Variants in ADAM21 observed in about 807,000 individuals in gnomAD.
The protein encoded by ADAM21 is disintegrin and metalloproteinase domain-containing protein 21.
For synonymous variants in ADAM21, 262 were observed against 306.0 expected (o/e 0.86, Z 1.50); for missense variants, 678 against 874.4 (o/e 0.78, Z 2.83).
chr14:70,453,613 A>C (rs17476399), intron 1 of ADAM21: 50,582 of 152,082 alleles, frequency 0.33, 10,331 homozygotes, highest in Non-Finnish European at 0.43. Flanking sequence ...ATAATATGAC[A>C]CAGGTTGGTG....
chr14:70,453,740 T>C (rs1040120634), intron 1 of ADAM21, among the ~76,000 whole-genome samples: 6 of 152,188 alleles, frequency 3.9e-5, no homozygotes, highest in African/African-American at 9.7e-5. Flanking sequence ...AAGAGAGATA[T>C]AGAGAGCAAA....
intron 1 of ADAM21, among the ~76,000 whole-genome samples, chr14:70,454,068 A>G (rs1374513076): frequency 6.6e-6 from 1 of 152,232 alleles, no homozygotes; most frequent in Admixed American, 6.5e-5. Context: ...TTGAGAGACA[A>G]TGAGAATGGA....
chr14:70,454,942 G>T (rs1310153067), intron 1 of ADAM21, among the ~76,000 whole-genome samples: 1 of 152,170 alleles, frequency 6.6e-6, no homozygotes, highest in African/African-American at 2.4e-5. Context: ...CATGTTGTGG[G>T]CTGTGGAGAA....
chr14:70,459,485 C>G lies in ADAM21; in HGVS notation c.1986C>G (p.Cys662Trp). ...HCGYGWSPPY[C>W]QHRGYGGSID... ...GCTATGGGTGGTCCCCACCCTACTGCCAGCACAGAGGCTATGGGGGCAGTA... is the reference window on the plus strand; with the variant it reads ...GCTATGGGTGGTCCCCACCCTACTGGCAGCACAGAGGCTATGGGGGCAGTA... The change falls in exon 2 of 2, where the codon TGC (cysteine) becomes TGG (tryptophan). Residue 662 changes from cysteine to tryptophan, a missense_variant. By Grantham distance (215) the Cys-to-Trp change is radical. Coordinates refer to ENST00000603540, the MANE Select transcript of ADAM21 (RefSeq NM_003813.4). 1 of 1,614,200 alleles carries G rather than the reference C, an allele frequency of 6.2e-7. No individual in the cohort carries two copies. The highest frequency in any genetic ancestry group is 1.1e-5 in the South Asian group (1 of 91,088).
At chr14:70,452,682 G>C (rs1889055007) in intron 1 of ADAM21, among the ~76,000 whole-genome samples, 1 of 152,198 alleles carries the variant, frequency 6.6e-6, no homozygotes, top group Non-Finnish European at 1.5e-5. Context: ...CATTTTTAAA[G>C]ATATGAGTGA....
chr14:70,453,056 G>A (rs747089805), intron 1 of ADAM21, among the ~76,000 whole-genome samples: 2 of 151,656 alleles, frequency 1.3e-5, no homozygotes, highest in Non-Finnish European at 2.9e-5. Context: ...GTGTGTGTGT[G>A]TATCATATTC....
chr14:70,453,641 C>T (rs1889068834), intron 1 of ADAM21: 1 of 152,178 alleles, frequency 6.6e-6, no homozygotes, highest in South Asian at 2.1e-4. Context: ...TCAGTCCTTT[C>T]CACAACATTA....
At chr14:70,452,420 C>T (rs1175626049) in intron 1 of ADAM21, among the ~76,000 whole-genome samples, 157 bp downstream of exon 1, 1 of 152,184 alleles carries the variant, frequency 6.6e-6, no homozygotes, top group Non-Finnish European at 1.5e-5. Context: ...GGCTGGAGTG[C>T]AGTGGCGCGA....
chr14:70,457,188 G>A (rs1882425634), intron 1 of ADAM21, among the ~76,000 whole-genome samples, 161 bp from the exon 2 acceptor site: 2 of 152,118 alleles, frequency 1.3e-5, no homozygotes, highest in Non-Finnish European at 2.9e-5. Context: ...CGTGGCCAAT[G>A]TTGTCTCCTC....
In ADAM21 at chr14:70,458,924, A is replaced by G. The variant is rs1168388137; in HGVS notation, c.1425A>G (p.Glu475=). ...RQEVNECDLP[E]WCNGTSHQCP... ...AGGTCAATGAATGTGACCTTCCAGA[A>G]TGGTGCAATGGAACATCTCATCAGT... Residue 475 remains glutamate (E), a synonymous_variant, in exon 2 of 2, where the codon GAA becomes GAG. Coordinates refer to ENST00000603540, the MANE Select transcript of ADAM21 (RefSeq NM_003813.4). The G allele has an allele frequency of 5.0e-6, 8 of 1,614,052 alleles. No individual in the cohort carries two copies. The Admixed American group carries it at 1.3e-4, about 27-fold the overall frequency.
Position 70,459,454 on chromosome 14 carries a change from A to G in ADAM21, c.1955A>G (p.His652Arg). The change falls in exon 2 of 2, where the codon CAC (histidine) becomes CGC (arginine). Residue 652 changes from histidine to arginine, a missense_variant. Transcript: ENST00000603540. The part of the protein sequence containing the change: ...KGICNNKHHC[H>R]CGYGWSPPYC... ...ATCTGCAATAACAAACATCACTGCC[A>G]CTGTGGCTATGGGTGGTCCCCACCC... 1 of 1,614,218 alleles carries G rather than the reference A, an allele frequency of 6.2e-7. No homozygotes were observed. The highest frequency in any genetic ancestry group is 8.5e-7 in the Non-Finnish European group (1 of 1,180,030).
Position 70,459,809 on chromosome 14 carries a change from C to G in ADAM21, c.*141C>G, listed in dbSNP as rs1437950654. 1 of 927,672 alleles carries G rather than the reference C, an allele frequency of 1.1e-6. No homozygotes were observed. Among genetic ancestry groups the G allele is most frequent in the Admixed American group, 2.5e-5 (1 of 40,524 alleles). The allele number at this position is 927,672 out of a possible 1,614,324, so 57.5% of individuals were successfully genotyped here. ...AAGATCTTCCCTTACATTAGTACCA[C>G]AAACATTGTCATTAAGTTCAAGTTA... On this transcript the variant is annotated 3_prime_UTR_variant, in exon 2 of 2. Transcript: ENST00000603540.
At chr14:70,454,140 G>A (rs372418726) in intron 1 of ADAM21, among the ~76,000 whole-genome samples, 2 of 152,316 alleles carry the variant, frequency 1.3e-5, no homozygotes, top group East Asian at 1.9e-4. Context: ...AGGTGCAAAT[G>A]CAATATCCAG....
chr14:70,457,775 C>T lies in ADAM21; in HGVS notation c.276C>T (p.Tyr92=), dbSNP rs367949869. The stretch of plus-strand genomic sequence containing the variant: ...CTAGACACCTCCCAGTGTTCACCTA[C>T]ACAGATGACCGTGCACTCCTGGAGG... ...LVSRHLPVFT[Y]TDDRALLEDQ... Residue 92 remains tyrosine, a synonymous_variant, in exon 2 of 2, where the codon TAC becomes TAT. Coordinates refer to ENST00000603540, the MANE Select transcript of ADAM21 (RefSeq NM_003813.4). The T allele has an allele frequency of 1.4e-4, 231 of 1,612,964 alleles. No homozygotes were observed. Among genetic ancestry groups the T allele is most frequent in the Non-Finnish European group, 1.8e-4 (216 of 1,179,466 alleles).
rs1390061432 is a variant in ADAM21, at chr14:70,458,807, G to C, written c.1308G>C (p.Leu436Phe). ...QQCEQDACCL[L>F]NCTLRPGAAC... The stretch of plus-strand genomic sequence containing the variant: ...GTGAACAAGACGCCTGTTGTCTGTT[G>C]AACTGCACTCTAAGGCCTGGGGCTG... The change falls in exon 2 of 2, where the codon TTG becomes TTC. Residue 436 changes from leucine (L) to phenylalanine (F), a missense_variant. By Grantham distance (22) the Leu-to-Phe change is conservative (BLOSUM62 0). Transcript: ENST00000603540. 6.2e-7 allele frequency: 1 copy of C among 1,614,086 alleles called. No individual in the cohort carries two copies. Among genetic ancestry groups the C allele is most frequent in the Non-Finnish European group, 8.5e-7 (1 of 1,180,040 alleles).
Position 70,458,984 on chromosome 14 carries a change from C to T in ADAM21, c.1485C>T (p.Pro495=), listed in dbSNP as rs1594983915. The T allele has an allele frequency of 1.5e-5, 25 of 1,613,966 alleles. No homozygotes were observed. In the East Asian group the frequency reaches 5.1e-4, roughly 33 times the overall value. ...ATAGATATGTGCAGGACGGGATCCC[C>T]TGTAGTGACAGTGCCTACTGCTATC... The part of the protein sequence containing the change: ...PEDRYVQDGI[P]CSDSAYCYQK... Residue 495 remains proline (P), a synonymous_variant, in exon 2 of 2, where the codon CCC becomes CCT. Coordinates refer to ENST00000603540, the MANE Select transcript of ADAM21 (RefSeq NM_003813.4).
In ADAM21 at chr14:70,459,228, C is replaced by G. The variant is rs761547565; in HGVS notation, c.1729C>G (p.His577Asp). Reference protein sequence around the residue: ...NVRDIPLLQDHFTLQHTHING... With the variant: ...NVRDIPLLQDDFTLQHTHING... ...GAGAGACATTCCTCTTCTCCAAGAT[C>G]ATTTTACTTTGCAGCACACTCATAT... The change falls in exon 2 of 2, where the codon CAT (histidine) becomes GAT (aspartate). Residue 577 changes from histidine (H) to aspartate (D), a missense_variant. By Grantham distance (81) the His-to-Asp change is moderately conservative. Transcript: ENST00000603540. 1 of 1,614,044 alleles carries G rather than the reference C, an allele frequency of 6.2e-7. No homozygotes were observed.
intron 1 of ADAM21, among the ~76,000 whole-genome samples, chr14:70,454,718 T>G (rs1223557063): frequency 1.3e-5 from 2 of 151,974 alleles, no homozygotes; most frequent in African/African-American, 4.8e-5. Flanking sequence ...TTGAAGAGGT[T>G]AAAAAAAACT....
rs867380246 is a variant in ADAM21 at position 70,457,387 on chromosome 14, C to T, written c.-113C>T. Reference sequence around the variant, plus strand: ...ATCTAACTCTGCCAGGACACAGATCCACAGGGTCAGCCCTGCATCCTGAGC... The same window carrying T: ...ATCTAACTCTGCCAGGACACAGATCTACAGGGTCAGCCCTGCATCCTGAGC... On this transcript the variant is annotated 5_prime_UTR_variant, in exon 2 of 2. Coordinates refer to ENST00000603540, the MANE Select transcript of ADAM21 (RefSeq NM_003813.4). 2.6e-6 allele frequency: 4 copies of T among 1,531,332 alleles called. No individual in the cohort carries two copies. The highest frequency in any genetic ancestry group is 3.6e-6 in the Non-Finnish European group (4 of 1,122,060). 94.9% of individuals were successfully genotyped at this position (1,531,332 alleles called of 1,614,324 possible).
Sources: gnomAD v4.1 joint callset for allele counts (sites outside exome capture counted in the v4.1 genomes callset) on GRCh38, gnomAD v4.1.1 for gene constraint, MANE v1.5 for transcripts, NCBI Gene and HGNC (gene_info 2026-07-23, HGNC 2026-07-21) for gene names.